Variants in PPFIA2 observed in about 807,000 individuals in gnomAD.
PPFIA2 encodes PPFI scaffold protein A2.
Under a neutral mutation model 175.5 loss-of-function variants are expected in PPFIA2, and 46 were observed. The observed-to-expected ratio is 0.26, with a 90% CI of 0.21 to 0.34. The LOEUF (loss-of-function observed/expected upper bound fraction) is 0.34. Among genes scored for constraint, PPFIA2 ranks in the 10% least tolerant of loss-of-function variants. The pLI is 1.00. For synonymous variants in PPFIA2, 568 were observed against 511.4 expected (o/e 1.11, Z -1.49); for missense variants, 1,179 against 1,506.1 (o/e 0.78, Z 3.60).
chr12:81,740,982 T>C (rs1357507404), intron 3 of PPFIA2, among the ~76,000 whole-genome samples: 1 of 41,186 alleles, frequency 2.4e-5, no homozygotes, highest in African/African-American at 4.1e-5. Flanking sequence ...TAAATATTCA[T>C]ACACTTTTTT....
intron 4 of PPFIA2, among the ~76,000 whole-genome samples, chr12:81,639,447 C>T (rs912263822): frequency 1.3e-5 from 2 of 151,918 alleles, no homozygotes; most frequent in African/African-American, 4.8e-5. Context: ...AAAAATAAAA[C>T]ACAACCACCC....
rs192248793 is a variant in PPFIA2 at position 81,340,710 on chromosome 12, C to G, written c.2393+368G>C. Among the ~76,000 whole-genome samples, 21 of 152,132 alleles carry G rather than the reference C, an allele frequency of 1.4e-4. No homozygotes were observed. In the East Asian group the frequency reaches 4.1e-3, roughly 29 times the overall value. On this transcript the variant is annotated intron_variant, in intron 20 of 32. Transcript: ENST00000549396. ...TCATATACTTTTCAGACTTTAATTA[C>G]GCTTATACTGCAATCCAAATTTATG...
chr12:81,268,960 C>T (rs911043090), intron 28 of PPFIA2, among the ~76,000 whole-genome samples: 1 of 152,096 alleles, frequency 6.6e-6, no homozygotes, highest in African/African-American at 2.4e-5. Flanking sequence ...ATGCATTTTT[C>T]CCAATCACAT....
intron 4 of PPFIA2, among the ~76,000 whole-genome samples, chr12:81,589,123 G>C (rs1050734668): frequency 6.6e-6 from 1 of 151,958 alleles, no homozygotes; most frequent in African/African-American, 2.4e-5. Flanking sequence ...TACTAATCAT[G>C]GTTTTGTATT....
chr12:81,514,005 T>A (rs970178459), intron 4 of PPFIA2, among the ~76,000 whole-genome samples: 2 of 152,040 alleles, frequency 1.3e-5, no homozygotes, highest in Non-Finnish European at 2.9e-5. Context: ...TTGTTTTTTA[T>A]CTTTTTGTTT....
rs1000683630 is a variant in PPFIA2, at chr12:81,509,289, T to C, written c.304-51423A>G. On this transcript the variant is annotated intron_variant, in intron 4 of 32. Coordinates refer to ENST00000549396, the MANE Select transcript of PPFIA2 (RefSeq NM_003625.5). Reference sequence around the variant, plus strand: ...CAAATATTACACAGAAATTAGAAAATGGTAAGAGAAAGAAGGTTTTCCATT... The same window carrying C: ...CAAATATTACACAGAAATTAGAAAACGGTAAGAGAAAGAAGGTTTTCCATT... Among the ~76,000 whole-genome samples, 3 of 151,940 alleles carry C rather than the reference T, an allele frequency of 2.0e-5. No individual in the cohort carries two copies. In the South Asian group the frequency reaches 6.2e-4, roughly 32 times the overall value.
intron 30 of PPFIA2, among the ~76,000 whole-genome samples, chr12:81,264,662 CAG>C (rs2136190032): frequency 6.6e-6 from 1 of 152,222 alleles, no homozygotes; most frequent in African/African-American, 2.4e-5. Flanking sequence ...TAAAGTCAAT[CAG>C]GGAAAAATAA....
chr12:81,341,254 A>C, intron 19 of PPFIA2, 46 bp from the exon 20 acceptor site: 1 of 1,576,108 alleles, frequency 6.3e-7, no homozygotes, highest in Non-Finnish European at 8.7e-7. Context: ...TCTAAATTTC[A>C]GTTGAAATTG....
intron 3 of PPFIA2, among the ~76,000 whole-genome samples, chr12:81,688,802 A>AATATATATATATATATATATATATAT (rs3075480): frequency 9.9e-5 from 14 of 140,758 alleles, no homozygotes; most frequent in South Asian, 4.6e-4. Context: ...TGGTTTATTA[A>AATATATATATATATATATATATATAT]ATATATATAT....
chr12:81,742,609 G>A (rs1469928986), intron 3 of PPFIA2, among the ~76,000 whole-genome samples: 1 of 152,174 alleles, frequency 6.6e-6, no homozygotes, highest in Admixed American at 6.5e-5. Context: ...TCTGAAAGTT[G>A]AAAGAATGTC....
intron 4 of PPFIA2, among the ~76,000 whole-genome samples, chr12:81,676,447 G>A (rs889772404): frequency 2.6e-5 from 4 of 151,902 alleles, no homozygotes; most frequent in Non-Finnish European, 4.4e-5. Flanking sequence ...ATTTTTCTCA[G>A]TAACTAGAAA....
intron 16 of PPFIA2, among the ~76,000 whole-genome samples, chr12:81,355,174 A>G (rs923225450): frequency 6.6e-6 from 1 of 152,154 alleles, no homozygotes. Context: ...AGCAGGCACG[A>G]AAAAAACAAT....
intron 9 of PPFIA2, among the ~76,000 whole-genome samples, chr12:81,382,925 G>A (rs1393667479): frequency 1.3e-5 from 2 of 152,068 alleles, no homozygotes; most frequent in Non-Finnish European, 2.9e-5. Flanking sequence ...CAAGGTCGGG[G>A]AGGAGAAATA....
At chr12:81,431,789 ATCTCT>A (rs1360306728) in intron 7 of PPFIA2, among the ~76,000 whole-genome samples, 4 of 152,050 alleles carry the variant, frequency 2.6e-5, no homozygotes, top group African/African-American at 9.7e-5. Context: ...ATCCAATCAC[ATCTCT>A]TCTCTTCCTA....
rs1444530216 is a variant in PPFIA2, at chr12:81,747,313, ATGT to A, written c.249+6657_249+6659del. Among the ~76,000 whole-genome samples, 3 of 144,204 alleles carry A rather than the reference ATGT, an allele frequency of 2.1e-5. No homozygotes were observed. In the Admixed American group the frequency reaches 2.2e-4, roughly 11 times the overall value. 94.6% of individuals were successfully genotyped at this position (144,204 alleles called of 152,430 possible). A position where few individuals can be genotyped will look rare whatever the true frequency, so the allele number is the denominator to read the frequency against. ...TATAATCGCAGCACAATAGGAAGGG[ATGT>A]TGTTTGATGTAATCAAGGGACATGT... is the stretch of plus-strand genomic sequence containing the variant. On this transcript the variant is annotated intron_variant, in intron 3 of 32. Coordinates refer to ENST00000549396, the MANE Select transcript of PPFIA2 (RefSeq NM_003625.5).
chr12:81,493,718 T>C (rs529535979), intron 4 of PPFIA2, among the ~76,000 whole-genome samples: 20 of 142,396 alleles, frequency 1.4e-4, no homozygotes, highest in Non-Finnish European at 2.9e-4. Context: ...ACAGATGGAA[T>C]TGAGTGTGTG....
At chr12:81,604,807 A>G (rs1462235144) in intron 4 of PPFIA2, among the ~76,000 whole-genome samples, 1 of 151,742 alleles carries the variant, frequency 6.6e-6, no homozygotes, top group Non-Finnish European at 1.5e-5. Context: ...AGGAAATTTA[A>G]TATTAGCTAT....
At chr12:81,346,674 T>TA (rs1447221459) in intron 18 of PPFIA2, among the ~76,000 whole-genome samples, 1 of 151,550 alleles carries the variant, frequency 6.6e-6, no homozygotes, top group Non-Finnish European at 1.5e-5. Context: ...AATGTGAATA[T>TA]AAAATCTAAA....
chr12:81,436,261 A>G (rs1160117851), intron 7 of PPFIA2, among the ~76,000 whole-genome samples: 1 of 121,196 alleles, frequency 8.3e-6, no homozygotes, highest in Non-Finnish European at 1.6e-5. Flanking sequence ...AGCCTGGGCA[A>G]CAGAGTGAGA....
Sources: allele counts gnomAD v4.1 joint callset (sites outside exome capture counted in the v4.1 genomes callset), GRCh38; gene constraint gnomAD v4.1.1; transcripts MANE v1.5; gene names NCBI Gene and HGNC (gene_info 2026-07-23, HGNC 2026-07-21).